Variants in MECOM observed in about 807,000 individuals in gnomAD.
The protein encoded by MECOM is histone-lysine N-methyltransferase MECOM.
MECOM carries 13 observed loss-of-function variants against 116.3 expected under a neutral mutation model. The ratio of observed to expected loss-of-function variants is 0.11; its 90% CI spans 0.07 to 0.18. MECOM has a LOEUF of 0.18. Ranked by LOEUF, MECOM falls within the 10% of genes least tolerant of loss-of-function variation. MECOM has a pLI of 1.00. For synonymous variants in MECOM, 528 were observed against 535.2 expected (o/e 0.99, Z 0.19); for missense variants, 1,299 against 1,509.0 (o/e 0.86, Z 2.31).
chr3:169,512,576 C>A (rs968186433), intron 1 of MECOM, among the ~76,000 whole-genome samples: 6 of 152,336 alleles, frequency 3.9e-5, no homozygotes, highest in African/African-American at 1.4e-4. Flanking sequence ...AGCTACTTCC[C>A]CATAGTGACC....
At chr3:169,159,512 T>C (rs1392578330) in intron 2 of MECOM, among the ~76,000 whole-genome samples, 1 of 152,026 alleles carries the variant, frequency 6.6e-6, no homozygotes, top group Admixed American at 6.6e-5. Context: ...CGAGCCAAGA[T>C]CACGCCACTG....
At chr3:169,592,098 C>A (rs1408815019) in intron 1 of MECOM, among the ~76,000 whole-genome samples, 10 of 152,174 alleles carry the variant, frequency 6.6e-5, no homozygotes, top group Non-Finnish European at 1.5e-4. Context: ...TACCCTTCAA[C>A]CAGTCTCGCT....
In MECOM at chr3:169,106,989, A is replaced by C. The variant is rs114126878; in HGVS notation, c.2604+937T>G. Among the ~76,000 whole-genome samples, 610 of 152,322 alleles carry C rather than the reference A, an allele frequency of 4.0e-3. 3 individuals carry two copies. Among genetic ancestry groups the C allele is most frequent in the South Asian group, 0.017 (81 of 4,824 alleles). Reference sequence around the variant, plus strand: ...AGAATGAGAAAAATCACAATTTTACATATTCCACAAAAGAGATAAAATGAA... The same window carrying C: ...AGAATGAGAAAAATCACAATTTTACCTATTCCACAAAAGAGATAAAATGAA... On this transcript the variant is annotated intron_variant, in intron 10 of 16. Transcript: ENST00000651503.
intron 2 of MECOM, among the ~76,000 whole-genome samples, chr3:169,302,876 C>A (rs139580669): frequency 6.6e-6 from 1 of 151,448 alleles, no homozygotes; most frequent in Non-Finnish European, 1.5e-5. Context: ...AAAAAAAAAG[C>A]GTAACATTTT....
chr3:169,179,486 C>T (rs1577265660), intron 2 of MECOM, among the ~76,000 whole-genome samples: 4 of 152,250 alleles, frequency 2.6e-5, no homozygotes, highest in Admixed American at 2.6e-4. Context: ...CTAGGGGCTA[C>T]AGTTCAGATG....
intron 1 of MECOM, among the ~76,000 whole-genome samples, chr3:169,428,052 T>G (rs1274845924): frequency 6.6e-6 from 1 of 152,104 alleles, no homozygotes; most frequent in Non-Finnish European, 1.5e-5. Context: ...TGGTGGCAGG[T>G]GCCTGTAGTC....
At chr3:169,189,080 G>C (rs766419875) in intron 2 of MECOM, among the ~76,000 whole-genome samples, 4 of 151,906 alleles carry the variant, frequency 2.6e-5, no homozygotes, top group Non-Finnish European at 5.9e-5. Context: ...TTCATGACTC[G>C]CATGATCCTA....
chr3:169,113,002 T>C (rs1727934685), intron 8 of MECOM, 128 bp from the exon 9 acceptor site: 2 of 636,726 alleles, frequency 3.1e-6, no homozygotes, highest in Admixed American at 3.0e-5. Context: ...CTCATAAAAC[T>C]ATAGAGACAT....
At chr3:169,127,222 T>C (rs1733163591) in intron 5 of MECOM, among the ~76,000 whole-genome samples, 1 of 152,130 alleles carries the variant, frequency 6.6e-6, no homozygotes. Flanking sequence ...CAAAAGGCTA[T>C]AAAAAGTTAA....
At chr3:169,415,003 C>T (rs1247804606) in intron 1 of MECOM, among the ~76,000 whole-genome samples, 1 of 152,146 alleles carries the variant, frequency 6.6e-6, no homozygotes, top group African/African-American at 2.4e-5. Flanking sequence ...GCAAGACAAG[C>T]TAACATTCAA....
chr3:169,251,884 GA>G (rs1285757153), intron 2 of MECOM, among the ~76,000 whole-genome samples: 1 of 152,062 alleles, frequency 6.6e-6, no homozygotes, highest in Non-Finnish European at 1.5e-5. Context: ...TGCTTTTAAA[GA>G]AATAGGTGGA....
At chr3:169,101,938 G>A in intron 11 of MECOM, 122 bp downstream of exon 11, 2 of 837,232 alleles carry the variant, frequency 2.4e-6, no homozygotes, top group Admixed American at 2.9e-5. Flanking sequence ...TGAAGTGCTG[G>A]AGATCTATTA....
At chr3:169,601,734 A>G (rs1330953985) in intron 1 of MECOM, among the ~76,000 whole-genome samples, 1 of 152,252 alleles carries the variant, frequency 6.6e-6, no homozygotes, top group Admixed American at 6.5e-5. Context: ...CCCAAAAGAA[A>G]GAATCACATA....
chr3:169,469,797 T>C (rs1272323201), intron 1 of MECOM, among the ~76,000 whole-genome samples: 2 of 152,234 alleles, frequency 1.3e-5, no homozygotes, highest in Non-Finnish European at 2.9e-5. Flanking sequence ...TTTGACTCTT[T>C]TTCTTGCACA....
intron 1 of MECOM, among the ~76,000 whole-genome samples, chr3:169,526,681 A>G (rs984396283): frequency 2.0e-5 from 3 of 151,704 alleles, no homozygotes; most frequent in Non-Finnish European, 2.9e-5. Context: ...ATTTTTTTTT[A>G]ATTCTGAGAA....
chr3:169,553,677 A>C (rs983073296), intron 1 of MECOM, among the ~76,000 whole-genome samples: 14 of 152,334 alleles, frequency 9.2e-5, no homozygotes, highest in African/African-American at 2.9e-4. Context: ...AGATGCTAGA[A>C]GTCCAGGATG....
At chr3:169,431,627 C>T (rs773185717) in intron 1 of MECOM, among the ~76,000 whole-genome samples, 5 of 152,134 alleles carry the variant, frequency 3.3e-5, no homozygotes, top group Non-Finnish European at 5.9e-5. Context: ...GATTCAAAGT[C>T]GCACAGACTA....
At chr3:169,578,838 A>G (rs1390210932) in intron 1 of MECOM, among the ~76,000 whole-genome samples, 1 of 152,168 alleles carries the variant, frequency 6.6e-6, no homozygotes, top group Non-Finnish European at 1.5e-5. Context: ...CCACCTGTCT[A>G]GTTGCTCTTT....
At chr3:169,097,817 T>TAAAAAAAAAAAAAAAAA (rs539873617) in intron 12 of MECOM, among the ~76,000 whole-genome samples, 1,007 of 87,054 alleles carry the variant, frequency 0.012, 104 homozygotes, top group African/African-American at 0.024. Context: ...ACTGTCTATA[T>TAAAAAAAAAAAAAAAAA]AAAAAAAAAA....
Sources: allele counts gnomAD v4.1 joint callset (sites outside exome capture counted in the v4.1 genomes callset), GRCh38; gene constraint gnomAD v4.1.1; transcripts MANE v1.5; gene names NCBI Gene and HGNC (gene_info 2026-07-23, HGNC 2026-07-21).